CTNNA2: variants seen among roughly 807,000 people sequenced by gnomAD.
CTNNA2 encodes catenin alpha-2.
Under a neutral mutation model 101.0 loss-of-function variants are expected in CTNNA2, and 42 were observed. The ratio of observed to expected loss-of-function variants is 0.42; its 90% CI spans 0.32 to 0.54. The LOEUF (loss-of-function observed/expected upper bound fraction) is 0.54. CTNNA2 is among the 20% of genes least tolerant of loss of function. The pLI is 0.14. For missense variants in CTNNA2, 871 were observed against 1,223.1 expected (o/e 0.71, Z 4.29); for synonymous variants, 450 against 456.4 (o/e 0.99, Z 0.18).
intron 18 of CTNNA2, among the ~76,000 whole-genome samples, chr2:80,625,240 T>C (rs1351574935): frequency 6.6e-6 from 1 of 152,068 alleles, no homozygotes; most frequent in Non-Finnish European, 1.5e-5. Context: ...TAGCAATAGC[T>C]ACTCAGAGGG....
intron 17 of CTNNA2, among the ~76,000 whole-genome samples, chr2:80,611,660 T>C (rs1440576313): frequency 2.6e-5 from 4 of 151,608 alleles, no homozygotes; most frequent in Non-Finnish European, 4.4e-5. Flanking sequence ...AATCATTCCA[T>C]GACCTTTAAT....
intron 7 of CTNNA2, among the ~76,000 whole-genome samples, chr2:80,107,517 C>T (rs532818109): frequency 6.6e-6 from 1 of 152,178 alleles, no homozygotes; most frequent in Non-Finnish European, 1.5e-5. Context: ...CTCCTGCTCC[C>T]CTCTCTGCTG....
intron 14 of CTNNA2, among the ~76,000 whole-genome samples, chr2:80,582,282 C>A (rs1440322865): frequency 6.6e-6 from 1 of 152,100 alleles, no homozygotes; most frequent in Non-Finnish European, 1.5e-5. Context: ...GGCCTATGTT[C>A]TATGATATCT....
chr2:79,284,321 C>A (rs13002181), intron 2 of CTNNA2, among the ~76,000 whole-genome samples: 40,578 of 57,666 alleles, frequency 0.7, 14,206 homozygotes, highest in Non-Finnish European at 0.76. Context: ...TGAGAGAGGG[C>A]ATCCCTGTCT....
At chr2:79,636,097 T>TA (rs1414812502) in intron 1 of CTNNA2, among the ~76,000 whole-genome samples, 1 of 100,958 alleles carries the variant, frequency 9.9e-6, no homozygotes, top group South Asian at 4.1e-4. Flanking sequence ...CCATCTCTAC[T>TA]AAAAATACAA....
intron 7 of CTNNA2, among the ~76,000 whole-genome samples, chr2:80,152,431 G>T (rs1703765938): frequency 6.6e-6 from 1 of 152,014 alleles, no homozygotes; most frequent in African/African-American, 2.4e-5. Flanking sequence ...TCAGAGCAGG[G>T]GTTGGTTCTC....
At chr2:80,491,371 G>A (rs773314844) in intron 9 of CTNNA2, among the ~76,000 whole-genome samples, 6 of 152,192 alleles carry the variant, frequency 3.9e-5, no homozygotes, top group South Asian at 4.1e-4. Context: ...CATGATCACC[G>A]TCTTTGAAGA....
intron 7 of CTNNA2, among the ~76,000 whole-genome samples, chr2:79,948,999 GGATA>G (rs1325468435): frequency 6.6e-6 from 1 of 151,576 alleles, no homozygotes; most frequent in Non-Finnish European, 1.5e-5. Flanking sequence ...TAAAATAAAT[GGATA>G]AATAAATAAA....
At chr2:79,854,715 C>G (rs1275680315) in intron 3 of CTNNA2, among the ~76,000 whole-genome samples, 1 of 152,146 alleles carries the variant, frequency 6.6e-6, no homozygotes, top group Non-Finnish European at 1.5e-5. Flanking sequence ...TAGAGGACAT[C>G]AAAGGCTTTA....
intron 6 of CTNNA2, among the ~76,000 whole-genome samples, chr2:79,880,562 A>G (rs1281326054): frequency 1.3e-5 from 2 of 152,196 alleles, no homozygotes; most frequent in African/African-American, 4.8e-5. Context: ...GTATGTGTCC[A>G]GGAATTTATC....
intron 7 of CTNNA2, among the ~76,000 whole-genome samples, chr2:80,056,081 A>G (rs1252942292): frequency 1.3e-5 from 2 of 152,326 alleles, no homozygotes; most frequent in East Asian, 1.9e-4. Context: ...CACAGCTGCT[A>G]TGAGTCCACA....
At chr2:79,770,829 C>A (rs956575121) in intron 3 of CTNNA2, among the ~76,000 whole-genome samples, 1 of 152,176 alleles carries the variant, frequency 6.6e-6, no homozygotes, top group East Asian at 1.9e-4. Context: ...CAGTTATTAG[C>A]AGCTTTTGGT....
At chr2:80,117,993 A>G (rs1701619481) in intron 7 of CTNNA2, among the ~76,000 whole-genome samples, 1 of 152,228 alleles carries the variant, frequency 6.6e-6, no homozygotes. Flanking sequence ...GAAGGTTGTT[A>G]CATAGTCTGT....
intron 3 of CTNNA2, among the ~76,000 whole-genome samples, chr2:79,324,980 A>G (rs1001776108): frequency 4.6e-5 from 7 of 152,198 alleles, no homozygotes; most frequent in East Asian, 1.9e-4. Context: ...ACGGAGCTAC[A>G]TAAATCCACC....
At chr2:80,189,842 C>T (rs781514908) in intron 7 of CTNNA2, among the ~76,000 whole-genome samples, 2 of 151,876 alleles carry the variant, frequency 1.3e-5, no homozygotes, top group Non-Finnish European at 2.9e-5. Flanking sequence ...GTAATAATGT[C>T]AAATATTTAG....
chr2:80,112,244 A>T (rs1701260739), intron 7 of CTNNA2, among the ~76,000 whole-genome samples: 1 of 152,254 alleles, frequency 6.6e-6, no homozygotes, highest in Non-Finnish European at 1.5e-5. Context: ...AACATTTAAA[A>T]AATAAAGATC....
intron 7 of CTNNA2, among the ~76,000 whole-genome samples, chr2:80,344,474 G>T (rs1415609281): frequency 6.6e-6 from 1 of 151,956 alleles, no homozygotes; most frequent in African/African-American, 2.4e-5. Flanking sequence ...TGTTTTATTG[G>T]TGTCTCAATC....
intron 2 of CTNNA2, among the ~76,000 whole-genome samples, chr2:79,253,392 T>G (rs1246281931): frequency 6.6e-6 from 1 of 152,228 alleles, no homozygotes; most frequent in Non-Finnish European, 1.5e-5. Context: ...AAGAAATAGA[T>G]GTGCAGGGAA....
Position 80,302,453 on chromosome 2 carries a change from C to T in CTNNA2, c.1057-90758C>T. On this transcript the variant is annotated intron_variant, in intron 7 of 18. Transcript: ENST00000402739. This position sits in a 1 kb window ranked among gnomAD's most constrained non-coding sequence, Gnocchi z 6.4. ...AAAGCACTGTCTGAGCTGCCTGAGG[C>T]TGGCTGGGAAACACTTCCAGGACAC... 6.2e-7 allele frequency: 1 copy of T among 1,614,212 alleles called. No individual in the cohort carries two copies. Among genetic ancestry groups the T allele is most frequent in the Non-Finnish European group, 8.5e-7 (1 of 1,180,042 alleles).
Sources: gnomAD v4.1 joint callset for allele counts (sites outside exome capture counted in the v4.1 genomes callset) on GRCh38, gnomAD v4.1.1 for gene constraint, Gnocchi (gnomAD v3.1) non-coding constraint, MANE v1.5 for transcripts, NCBI Gene and HGNC (gene_info 2026-07-23, HGNC 2026-07-21) for gene names.